Variants in CPM observed in about 807,000 individuals in gnomAD.
CPM encodes renal carboxypeptidase.
A neutral mutation model predicts 46.4 loss-of-function variants in CPM; 35 were observed. The observed-to-expected ratio is 0.75, with a 90% CI of 0.58 to 1.00. The LOEUF (loss-of-function observed/expected upper bound fraction) is 1.00, where lower values mean the gene tolerates loss of function less well. Ranked by LOEUF, CPM falls within the 50% of genes least tolerant of loss-of-function variation. The pLI is 0.00. For synonymous variants in CPM, 195 were observed against 195.3 expected (o/e 1.00, Z 0.01); for missense variants, 422 against 530.4 (o/e 0.80, Z 2.01).
intron 2 of CPM, among the ~76,000 whole-genome samples, chr12:68,919,792 G>A (rs1887959630): frequency 6.6e-6 from 1 of 152,164 alleles, no homozygotes. Context: ...ATTCATCTGA[G>A]TCCCAAAGAG....
chr12:68,952,457 C>T (rs1565810318), intron 1 of CPM, among the ~76,000 whole-genome samples: 1 of 152,202 alleles, frequency 6.6e-6, no homozygotes. Context: ...GGACGGGCTA[C>T]ATGATCTGTG....
chr12:68,882,058 T>A (rs1376463414), intron 3 of CPM, among the ~76,000 whole-genome samples: 1 of 151,082 alleles, frequency 6.6e-6, no homozygotes, highest in East Asian at 1.9e-4. Context: ...ACATTTATTT[T>A]AAAAATAAAT....
At position 68,843,698 on chromosome 12, in the gene CPM, A is replaced by ACTCT. The variant is rs112584632; in HGVS notation, c.534-1373_534-1370dup. 11 of 215,620 alleles carry ACTCT rather than the reference A, an allele frequency of 5.1e-5. 1 individual carries two copies. The East Asian group carries it at 6.1e-4, about 12-fold the overall frequency. 13.4% of individuals were successfully genotyped at this position (215,620 alleles called of 1,614,324 possible). A position where few individuals can be genotyped will look rare whatever the true frequency, so the allele number is the denominator to read the frequency against. On this transcript the variant is annotated intron_variant, in intron 5 of 5. Coordinates refer to the CPM transcript ENST00000551897. ...ACTAATGGTACATTGTTGCTTCAAAACTCTCTCTCTCTCTCTCTGTCTGTC... is the reference window on the plus strand; with the variant it reads ...ACTAATGGTACATTGTTGCTTCAAAACTCTCTCTCTCTCTCTCTCTCTGTCTGTC...
At chr12:68,864,398 TC>T (rs1885343349) in intron 7 of CPM, among the ~76,000 whole-genome samples, 1 of 145,652 alleles carries the variant, frequency 6.9e-6, no homozygotes, top group African/African-American at 2.6e-5. Context: ...GCCGAGATCA[TC>T]ACACCATTGC....
At chr12:68,845,551 A>C (rs918679794) in intron 5 of CPM, 1 of 186,652 alleles carries the variant, frequency 5.4e-6, no homozygotes, top group African/African-American at 2.3e-5. Flanking sequence ...GTCTTTAGAG[A>C]GAGGAGTGGT....
chr12:68,869,527 A>G (rs1379288911), intron 5 of CPM, 32 bp from the exon 6 acceptor site: 1 of 1,574,546 alleles, frequency 6.4e-7, no homozygotes, highest in Admixed American at 1.9e-5. Flanking sequence ...AGACCTTTAA[A>G]CTGACTTGAG....
intron 1 of CPM, among the ~76,000 whole-genome samples, chr12:68,956,595 A>G (rs550460720): frequency 6.6e-6 from 1 of 152,228 alleles, no homozygotes; most frequent in African/African-American, 2.4e-5. Flanking sequence ...TTTAATCATC[A>G]CAACCCATTG....
Position 68,855,769 on chromosome 12 carries a change from T to G in CPM, c.*668A>C, listed in dbSNP as rs1000055740. ...TTTTTTTTTTTTTGAGACAGAGTCT[T>G]ACTCTGTTGCCCAAGCTGGAGTACA... On this transcript the variant is annotated 3_prime_UTR_variant, in exon 9 of 9. Transcript: ENST00000551568. 4 of 151,708 alleles carry G rather than the reference T, an allele frequency of 2.6e-5. No homozygotes were observed. The highest frequency in any genetic ancestry group is 9.7e-5 in the African/African-American group (4 of 41,198). 9.4% of individuals were successfully genotyped at this position (151,708 alleles called of 1,614,324 possible).
intron 2 of CPM, among the ~76,000 whole-genome samples, chr12:68,895,015 C>T (rs753617588): frequency 3.3e-4 from 40 of 120,510 alleles, no homozygotes; most frequent in Middle Eastern, 5.6e-3. Flanking sequence ...GGTGACAGAG[C>T]GAGACTCAGT....
intron 3 of CPM, among the ~76,000 whole-genome samples, chr12:68,885,066 C>G (rs148149391): frequency 2.0e-5 from 3 of 152,302 alleles, no homozygotes; most frequent in Non-Finnish European, 4.4e-5. Flanking sequence ...GCCTCAGCCT[C>G]CCGACTAGCT....
At chr12:68,871,443 T>C (rs1885690359) in intron 4 of CPM, among the ~76,000 whole-genome samples, 1 of 152,118 alleles carries the variant, frequency 6.6e-6, no homozygotes, top group Non-Finnish European at 1.5e-5. Context: ...GAGGAAATGC[T>C]ATTTAGGCAG....
At chr12:68,903,826 C>T (rs1044333001) in intron 2 of CPM, among the ~76,000 whole-genome samples, 28 of 152,022 alleles carry the variant, frequency 1.8e-4, no homozygotes, top group African/African-American at 6.5e-4. Flanking sequence ...CTGTCCGTCC[C>T]GCCGTCCGTC....
intron 1 of CPM, among the ~76,000 whole-genome samples, chr12:68,962,777 C>T (rs1809967943): frequency 6.6e-6 from 1 of 152,196 alleles, no homozygotes; most frequent in Admixed American, 6.5e-5. Context: ...GAAGGCTTAA[C>T]CTGCACGATA....
intron 1 of CPM, among the ~76,000 whole-genome samples, chr12:68,962,018 G>A (rs1007004160): frequency 1.3e-5 from 2 of 151,940 alleles, no homozygotes; most frequent in Non-Finnish European, 2.9e-5. Flanking sequence ...GGCTAACGCG[G>A]TGAAACCCTG....
chr12:68,956,349 G>C (rs1889018026), intron 1 of CPM, among the ~76,000 whole-genome samples: 1 of 152,132 alleles, frequency 6.6e-6, no homozygotes, highest in African/African-American at 2.4e-5. Flanking sequence ...GCCAGGGCTG[G>C]GCAGCTGCAG....
intron 2 of CPM, among the ~76,000 whole-genome samples, chr12:68,921,589 T>C (rs914392186): frequency 1.3e-5 from 2 of 152,186 alleles, no homozygotes; most frequent in African/African-American, 4.8e-5. Flanking sequence ...CAGTGAATAA[T>C]TCAACTGTGT....
intron 2 of CPM, among the ~76,000 whole-genome samples, chr12:68,920,719 G>T (rs1888002876): frequency 7.2e-6 from 1 of 138,474 alleles, no homozygotes. Context: ...TTTAGACAGA[G>T]ACTCACTGTG....
At chr12:68,890,007 C>T (rs963133632) in intron 2 of CPM, among the ~76,000 whole-genome samples, 10 of 152,144 alleles carry the variant, frequency 6.6e-5, no homozygotes, top group African/African-American at 2.2e-4. Context: ...GGGGCTGATG[C>T]CATTTTAGGC....
intron 2 of CPM, among the ~76,000 whole-genome samples, chr12:68,897,835 G>A (rs893096135): frequency 7.9e-5 from 12 of 151,510 alleles, no homozygotes; most frequent in Non-Finnish European, 1.2e-4. Context: ...TGGACATTCC[G>A]GTTCAGTGTT....
Sources: allele counts gnomAD v4.1 joint callset (sites outside exome capture counted in the v4.1 genomes callset), GRCh38; gene constraint gnomAD v4.1.1; transcripts MANE v1.5; gene names NCBI Gene and HGNC (gene_info 2026-07-23, HGNC 2026-07-21).